The following LYST variants were observed in gnomAD, a reference collection of about 807,000 sequenced individuals.
LYST encodes lysosomal trafficking regulator.
A neutral mutation model predicts 413.6 loss-of-function variants in LYST; 192 were observed. The ratio of observed to expected loss-of-function variants is 0.46; its 90% CI spans 0.41 to 0.52. The LOEUF is 0.52. Among genes scored for constraint, LYST ranks in the 20% least tolerant of loss-of-function variants. The pLI, the probability that LYST is intolerant of heterozygous loss-of-function variation, is 0.00. For missense variants in LYST, 3,815 were observed against 4,499.9 expected, an observed-to-expected ratio of 0.85 and a Z score of 4.35; for synonymous variants, 1,525 against 1,567.3, an observed-to-expected ratio of 0.97 and a Z score of 0.64.
intron 28 of LYST, among the ~76,000 whole-genome samples, chr1:235,750,883 G>C (rs989853577): frequency 2.0e-5 from 3 of 152,112 alleles, no homozygotes; most frequent in Admixed American, 6.6e-5. Context: ...TCCTGATGTA[G>C]ATTGCCCTGT....
chr1:235,810,660 G>A, intron 4 of LYST, 126 bp from the exon 5 acceptor site: 3 of 837,262 alleles, frequency 3.6e-6, no homozygotes, highest in East Asian at 2.6e-5. Context: ...TTTTGCTGCA[G>A]GGCTGATTTC....
rs754824089 is a variant in LYST, at chr1:235,808,736, C to T, written c.2082G>A (p.Lys694=). 34 of 1,613,844 alleles carry T rather than the reference C, an allele frequency of 2.1e-5. No individual in the cohort carries two copies. The highest frequency in any genetic ancestry group is 2.8e-5 in the Non-Finnish European group (33 of 1,179,998). The change falls in exon 5 of 53, where the codon AAG becomes AAA. Residue 694 remains lysine (K), a synonymous_variant. Coordinates refer to ENST00000389793, the MANE Select transcript of LYST (RefSeq NM_000081.4). ...EDLLWKWDAL[K]AYQNFVFEED... ...CTTCAAAAACAAAGTTCTGATAAGC[C>T]TTTAAAGCATCCCATTTCCACAACA... is the stretch of plus-strand genomic sequence containing the variant.
chr1:235,756,955 C>T (rs1198803580), intron 24 of LYST, among the ~76,000 whole-genome samples: 1 of 151,902 alleles, frequency 6.6e-6, no homozygotes, highest in Non-Finnish European at 1.5e-5. Flanking sequence ...GTAATTTTTA[C>T]AAAAGAGATT....
At chr1:235,766,794 GCTA>G (rs1216441120) in intron 20 of LYST, among the ~76,000 whole-genome samples, 1 of 152,002 alleles carries the variant, frequency 6.6e-6, no homozygotes, top group African/African-American at 2.4e-5. Context: ...TATTACTACT[GCTA>G]CTATCTTTTC....
chr1:235,665,375 C>T (rs563997777), intron 50 of LYST, among the ~76,000 whole-genome samples: 15 of 151,870 alleles, frequency 9.9e-5, no homozygotes, highest in African/African-American at 1.4e-4. Context: ...TTTTGGAGGC[C>T]GAGGCGGGTG....
At chr1:235,782,192 T>C in intron 14 of LYST, 105 bp from the exon 15 acceptor site, 1 of 1,045,634 alleles carries the variant, frequency 9.6e-7, no homozygotes, top group Non-Finnish European at 1.4e-6. Flanking sequence ...TTTTTTTTTT[T>C]TTTGGAGACA....
At chr1:235,791,233 GA>G (rs747517266) in intron 12 of LYST, among the ~76,000 whole-genome samples, 1 of 152,080 alleles carries the variant, frequency 6.6e-6, no homozygotes, top group Non-Finnish European at 1.5e-5. Context: ...AGTGAGCCGA[GA>G]TCGCGCCATT....
intron 30 of LYST, among the ~76,000 whole-genome samples, chr1:235,742,451 T>C (rs1473961458): frequency 1.3e-5 from 2 of 149,048 alleles, no homozygotes; most frequent in Non-Finnish European, 3.0e-5. Flanking sequence ...TGAGACTCCA[T>C]CTCAGAAAAA....
chr1:235,683,513 T>C (rs1312082412), intron 48 of LYST, among the ~76,000 whole-genome samples: 2 of 152,258 alleles, frequency 1.3e-5, no homozygotes, highest in African/African-American at 2.4e-5. Flanking sequence ...AGTCAACTTA[T>C]TCATCATTAC....
At position 235,720,668 on chromosome 1, in the gene LYST, T is replaced by G. The variant is rs1185900991; in HGVS notation, c.9553A>C (p.Ile3185Leu). ...SETLDLNDLL[I>L]YRNLSKPIAV... The stretch of plus-strand genomic sequence containing the variant: ...ATGATTCTTTTAACTTACCTGTATA[T>G]CAACAGATCATTGAGGTCAAGTGTC... The change falls in exon 40 of 53, where the codon ATA (isoleucine) becomes CTA (leucine). Residue 3185 changes from isoleucine (I) to leucine (L), a missense_variant. Around this residue, in one of 4 missense-constraint regions of LYST, gnomAD observed 866 missense variants for 1,156.0 expected, o/e 0.75. Transcript: ENST00000389793. 5 of 1,613,538 alleles carry G rather than the reference T, an allele frequency of 3.1e-6. No individual in the cohort carries two copies. Among genetic ancestry groups the G allele is most frequent in the Non-Finnish European group, 4.2e-6 (5 of 1,179,626 alleles).
upstream of LYST, among the ~76,000 whole-genome samples, chr1:235,867,341 G>T (rs7548449): frequency 0.46 from 69,310 of 152,020 alleles, 17,291 homozygotes; most frequent in African/African-American, 0.65. Context: ...CCATTGTGTA[G>T]GTCTAGAGGA....
At position 235,715,185 on chromosome 1, in the gene LYST, GTTATTAAATTC is replaced by G; in HGVS notation, c.9784+5_9784+15del. 1 of 1,610,912 alleles carries G rather than the reference GTTATTAAATTC, an allele frequency of 6.2e-7. No homozygotes were observed. The highest frequency in any genetic ancestry group is 8.5e-7 in the Non-Finnish European group (1 of 1,177,336). On this transcript the variant is annotated splice_donor_5th_base_variant and intron_variant, in intron 42 of 52. Transcript: ENST00000389793. ...ATGACCCAACATGACTTTTTAGGCA[GTTATTAAATTC>G]TTACCTTGATAGGCTAAAAACATTT... is the stretch of plus-strand genomic sequence containing the variant.
At chr1:235,839,158 G>C (rs1676915427) in intron 1 of LYST, among the ~76,000 whole-genome samples, 1 of 151,146 alleles carries the variant, frequency 6.6e-6, no homozygotes, top group African/African-American at 2.4e-5. Flanking sequence ...AATGTAAAAG[G>C]TCAGCCCAAC....
In LYST at chr1:235,804,623, G is replaced by T. The variant is rs560104191; in HGVS notation, c.3436C>A (p.Leu1146Ile). Residue 1146 changes from leucine to isoleucine, a missense_variant, in exon 7 of 53, where the codon CTT becomes ATT. By Grantham distance (5) the Leu-to-Ile change is conservative (BLOSUM62 2). Coordinates refer to ENST00000389793, the MANE Select transcript of LYST (RefSeq NM_000081.4). ...GTTTCAATCACCTTTGACTGGGAAA[G>T]ATGGTCCCTCATTTCAAATAATATA... is the stretch of plus-strand genomic sequence containing the variant. ...ESILFEMRDH[L>I]SQSKVIETQL... 5 of 1,610,212 alleles carry T rather than the reference G, an allele frequency of 3.1e-6. No homozygotes were observed. The highest frequency in any genetic ancestry group is 4.2e-6 in the Non-Finnish European group (5 of 1,176,654).
rs369723811 is a variant in LYST at position 235,752,185 on chromosome 1, C to G, written c.7461-14G>C. On this transcript the variant is annotated splice_polypyrimidine_tract_variant and intron_variant, in intron 26 of 52. Transcript: ENST00000389793. The stretch of plus-strand genomic sequence containing the variant: ...CTCATGGGAATGCTAAAGATAACAA[C>G]AAAAGAAGAAAACAGAACATTTATA... The G allele has an allele frequency of 4.0e-5, 63 of 1,582,616 alleles. No homozygotes were observed. The highest frequency in any genetic ancestry group is 5.4e-5 in the Non-Finnish European group (62 of 1,153,728).
chr1:235,752,944 T>C, intron 26 of LYST, 100 bp downstream of exon 26: 2 of 669,966 alleles, frequency 3.0e-6, no homozygotes, highest in Non-Finnish European at 5.3e-6. Flanking sequence ...GAAAGGCTTC[T>C]TACATAGGTA....
intron 19 of LYST, among the ~76,000 whole-genome samples, chr1:235,770,754 G>C (rs2489154): frequency 0.23 from 34,588 of 152,070 alleles, 4,932 homozygotes; most frequent in Middle Eastern, 0.37. Flanking sequence ...TGGATAATGT[G>C]AAAATTCTGC....
At position 235,849,566 on chromosome 1, in the gene LYST, G is replaced by T. The variant is rs185435523; in HGVS notation, c.-97-15899C>A. On this transcript the variant is annotated intron_variant, in intron 1 of 52. Coordinates refer to ENST00000389793, the MANE Select transcript of LYST (RefSeq NM_000081.4). ...AAAGGGCATCCAAGTCAGTAAAGAGGAAGTCAAACTTTCACTGTTTGCTGA... is the reference window on the plus strand; with the variant it reads ...AAAGGGCATCCAAGTCAGTAAAGAGTAAGTCAAACTTTCACTGTTTGCTGA... Among the ~76,000 whole-genome samples the T allele has an allele frequency of 3.3e-5, 5 of 152,134 alleles. No individual in the cohort carries two copies. The East Asian group carries it at 9.6e-4, about 29-fold the overall frequency.
At chr1:235,765,138 C>T (rs560837937) in intron 21 of LYST, among the ~76,000 whole-genome samples, 2 of 152,252 alleles carry the variant, frequency 1.3e-5, no homozygotes, top group South Asian at 4.1e-4. Flanking sequence ...TGCTGTAACC[C>T]TCATTCCCAA....
Sources: allele counts gnomAD v4.1 joint callset (sites outside exome capture counted in the v4.1 genomes callset), GRCh38; gene constraint gnomAD v4.1.1; regional missense constraint gnomAD v4.1.1; transcripts MANE v1.5; gene names NCBI Gene and HGNC (gene_info 2026-07-23, HGNC 2026-07-21).